The following PKN2 variants were observed in gnomAD, a reference collection of about 807,000 sequenced individuals.
PKN2 encodes serine/threonine-protein kinase N2.
PKN2 carries 38 observed loss-of-function variants against 119.1 expected under a neutral mutation model. That is an observed-to-expected ratio of 0.32 (90% confidence interval 0.25 to 0.42). The LOEUF is 0.42. Among genes scored for constraint, PKN2 ranks in the 10% least tolerant of loss-of-function variants. The pLI, the probability that PKN2 is intolerant of heterozygous loss-of-function variation, is 1.00. For missense variants in PKN2, 850 were observed against 1,165.1 expected, an observed-to-expected ratio of 0.73 and a Z score of 3.94; for synonymous variants, 390 against 384.9, an observed-to-expected ratio of 1.01 and a Z score of -0.15.
At chr1:88,779,941 C>T (rs541297927) in intron 6 of PKN2, among the ~76,000 whole-genome samples, 13 of 152,330 alleles carry the variant, frequency 8.5e-5, no homozygotes, top group African/African-American at 3.1e-4. Context: ...GAGGGATGCA[C>T]AGCATTATCT....
intron 8 of PKN2, among the ~76,000 whole-genome samples, chr1:88,801,304 G>C (rs1671298847): frequency 6.6e-6 from 1 of 152,148 alleles, no homozygotes; most frequent in Non-Finnish European, 1.5e-5. Flanking sequence ...AGAATCACTT[G>C]AACCTGGGAG....
At chr1:88,800,838 C>T (rs17130610) in intron 8 of PKN2, among the ~76,000 whole-genome samples, 6,050 of 152,192 alleles carry the variant, frequency 0.04, 277 homozygotes, top group African/African-American at 0.1. Flanking sequence ...CATGCAGATT[C>T]TTTAAGTCTA....
chr1:88,815,781 G>A (rs561139271), intron 16 of PKN2, among the ~76,000 whole-genome samples: 1 of 152,282 alleles, frequency 6.6e-6, no homozygotes, highest in South Asian at 2.1e-4. Flanking sequence ...CGGACAAACA[G>A]GAGCATTCAA....
At chr1:88,721,947 C>A (rs1667697102) in intron 1 of PKN2, among the ~76,000 whole-genome samples, 1 of 152,112 alleles carries the variant, frequency 6.6e-6, no homozygotes, top group South Asian at 2.1e-4. Context: ...TACAAATCTA[C>A]ATTTGTAATC....
intron 2 of PKN2, among the ~76,000 whole-genome samples, chr1:88,755,065 A>T (rs1310004031): frequency 1.3e-5 from 2 of 152,210 alleles, no homozygotes; most frequent in African/African-American, 4.8e-5. Context: ...ATTTAAGAGT[A>T]GATTCACCTC....
intron 3 of PKN2, among the ~76,000 whole-genome samples, chr1:88,761,644 G>A (rs376530982): frequency 8.0e-5 from 12 of 150,132 alleles, no homozygotes; most frequent in African/African-American, 2.7e-4. Context: ...AGACATTAGG[G>A]AAGTTACCAA....
chr1:88,792,596 A>G (rs1414861295), intron 8 of PKN2, among the ~76,000 whole-genome samples: 2 of 152,166 alleles, frequency 1.3e-5, no homozygotes, highest in Non-Finnish European at 2.9e-5. Context: ...AAATACTAAT[A>G]GTCTACTGTG....
At chr1:88,823,779 G>C (rs1034442115) in intron 17 of PKN2, among the ~76,000 whole-genome samples, 1 of 149,052 alleles carries the variant, frequency 6.7e-6, no homozygotes, top group Non-Finnish European at 1.5e-5. Flanking sequence ...GGAAGGCTGA[G>C]GCCAGCGGAT....
intron 1 of PKN2, among the ~76,000 whole-genome samples, chr1:88,737,507 TG>T (rs1668401860): frequency 1.3e-5 from 2 of 152,062 alleles, no homozygotes; most frequent in South Asian, 4.1e-4. Context: ...AGAAGAATAA[TG>T]GGGTCCCAGT....
At chr1:88,774,936 C>T (rs575185440) in intron 6 of PKN2, among the ~76,000 whole-genome samples, 6 of 152,172 alleles carry the variant, frequency 3.9e-5, no homozygotes, top group Non-Finnish European at 5.9e-5. Flanking sequence ...CTCAAACTCC[C>T]GGCCTCAAGT....
chr1:88,768,261 A>G (rs1325951866), intron 3 of PKN2, among the ~76,000 whole-genome samples: 1 of 152,216 alleles, frequency 6.6e-6, no homozygotes, highest in Non-Finnish European at 1.5e-5. Context: ...AACAACAGAA[A>G]TTTATTATAA....
chr1:88,789,916 T>G (rs1258188949), intron 8 of PKN2, among the ~76,000 whole-genome samples: 1 of 151,694 alleles, frequency 6.6e-6, no homozygotes, highest in Non-Finnish European at 1.5e-5. Context: ...TGTATGGTGA[T>G]TATATTTCCT....
chr1:88,717,659 T>G (rs555869632), intron 1 of PKN2, among the ~76,000 whole-genome samples: 1 of 152,148 alleles, frequency 6.6e-6, no homozygotes, highest in South Asian at 2.1e-4. Flanking sequence ...ATTTAAGGTC[T>G]TCTCCATGCT....
chr1:88,824,324 A>G lies in PKN2; in HGVS notation c.2357A>G (p.Asp786Gly). The change falls in exon 18 of 22, where the codon GAT becomes GGT. Residue 786 changes from aspartate to glycine, a missense_variant. Transcript: ENST00000370521. ...ATCCTGAACAGAGATTTGAAATTGG[A>G]TAACTTATTGCTAGATACAGAGGGC... ...HKIVYRDLKL[D>G]NLLLDTEGFV... The G allele has an allele frequency of 6.3e-7, 1 of 1,580,950 alleles. No individual in the cohort carries two copies. Among genetic ancestry groups the G allele is most frequent in the Non-Finnish European group, 8.7e-7 (1 of 1,152,888 alleles).
chr1:88,827,626 TC>T (rs2100928958), intron 18 of PKN2, among the ~76,000 whole-genome samples: 1 of 136,518 alleles, frequency 7.3e-6, no homozygotes, highest in Admixed American at 7.5e-5. Context: ...TCCCTTCCCT[TC>T]CCTTCCCTTC....
At chr1:88,737,855 G>A (rs1668418066) in intron 1 of PKN2, among the ~76,000 whole-genome samples, 1 of 152,136 alleles carries the variant, frequency 6.6e-6, no homozygotes, top group Non-Finnish European at 1.5e-5. Context: ...TGGGGGAGAG[G>A]TGATTCAGGC....
At chr1:88,774,115 A>G (rs2100807628) in intron 6 of PKN2, among the ~76,000 whole-genome samples, 1 of 152,324 alleles carries the variant, frequency 6.6e-6, no homozygotes. Flanking sequence ...TGCAGCGAAA[A>G]GAAAATAAAC....
At chr1:88,758,352 C>T (rs1412850353) in intron 2 of PKN2, among the ~76,000 whole-genome samples, 1 of 149,184 alleles carries the variant, frequency 6.7e-6, no homozygotes, top group South Asian at 2.1e-4. Flanking sequence ...ATCATAGAAA[C>T]CTATAAAACA....
intron 1 of PKN2, among the ~76,000 whole-genome samples, chr1:88,718,302 G>A (rs548690081): frequency 2.0e-4 from 31 of 152,308 alleles, no homozygotes; most frequent in African/African-American, 7.0e-4. Context: ...CAGTCTGTCC[G>A]TTCTCAGATC....
Sources: allele counts gnomAD v4.1 joint callset (sites outside exome capture counted in the v4.1 genomes callset), GRCh38; gene constraint gnomAD v4.1.1; transcripts MANE v1.5; gene names NCBI Gene and HGNC (gene_info 2026-07-23, HGNC 2026-07-21).